NCEH1: variants seen among roughly 807,000 people sequenced by gnomAD.
NCEH1 encodes neutral cholesterol ester hydrolase 1.
In NCEH1, 9 loss-of-function variants were observed where a neutral mutation model predicts 25.4. The ratio of observed to expected loss-of-function variants is 0.35; its 90% confidence interval spans 0.21 to 0.62. The LOEUF is 0.62. Ranked by LOEUF, NCEH1 falls within the 20% of genes least tolerant of loss-of-function variation. The pLI is 0.72. For synonymous variants in NCEH1, 200 were observed against 199.8 expected (o/e 1.00, Z -0.01); for missense variants, 412 against 501.1 (o/e 0.82, Z 1.70).
chr3:172,669,582 G>A (rs1560194243), intron 1 of NCEH1, among the ~76,000 whole-genome samples: 1 of 152,162 alleles, frequency 6.6e-6, no homozygotes, highest in African/African-American at 2.4e-5. Flanking sequence ...AGTCACCCAG[G>A]CTGGAGGGCA....
At chr3:172,686,803 A>G (rs623021) in intron 1 of NCEH1, among the ~76,000 whole-genome samples, 83,575 of 151,934 alleles carry the variant, frequency 0.55, 23,715 homozygotes, top group African/African-American at 0.65. Context: ...CCGTTTTCTC[A>G]CTTTTCCTAT....
At chr3:172,650,013 A>G (rs1191959493) in intron 1 of NCEH1, among the ~76,000 whole-genome samples, 3 of 152,244 alleles carry the variant, frequency 2.0e-5, no homozygotes, top group Admixed American at 1.3e-4. Context: ...ATTTTATAAG[A>G]GAGCCCACCT....
chr3:172,699,149 C>T (rs1046050011), intron 1 of NCEH1, among the ~76,000 whole-genome samples: 11 of 151,994 alleles, frequency 7.2e-5, no homozygotes, highest in Non-Finnish European at 1.2e-4. Flanking sequence ...GGGAAAGAGA[C>T]GGGGAAGTTC....
chr3:172,708,332 G>A (rs1412636703), intron 1 of NCEH1, among the ~76,000 whole-genome samples: 7 of 152,104 alleles, frequency 4.6e-5, no homozygotes, highest in South Asian at 2.1e-4. Context: ...TCTGAGTAAC[G>A]AGGTTGACAC....
intron 1 of NCEH1, among the ~76,000 whole-genome samples, chr3:172,696,074 A>G (rs1342039817): frequency 6.6e-6 from 1 of 152,210 alleles, no homozygotes; most frequent in East Asian, 1.9e-4. Context: ...TAACTTTAGG[A>G]AGAGGTTTTG....
intron 1 of NCEH1, among the ~76,000 whole-genome samples, chr3:172,669,600 A>C (rs910350135): frequency 2.6e-5 from 4 of 152,156 alleles, no homozygotes; most frequent in Non-Finnish European, 5.9e-5. Flanking sequence ...GCAGTGGCAC[A>C]ATCTCGGCTC....
At chr3:172,710,148 G>A (rs1440301883) in intron 1 of NCEH1, among the ~76,000 whole-genome samples, 5 of 152,228 alleles carry the variant, frequency 3.3e-5, no homozygotes, top group African/African-American at 1.2e-4. Flanking sequence ...TGACAGCCAA[G>A]GACATAAAAT....
rs113354645 is a variant in NCEH1, at chr3:172,644,761, G to A, written c.437+862C>T. Among the ~76,000 whole-genome samples the A allele has an allele frequency of 8.1e-3, 1,227 of 152,304 alleles. 11 individuals carry two copies. The highest frequency in any genetic ancestry group is 0.027 in the African/African-American group (1,142 of 41,566). ...GCCAGGGATGTTTCCAGGCACTAAT[G>A]ATTCAGCAATAAACAAAACAAACAA... On this transcript the variant is annotated intron_variant, in intron 3 of 4. Coordinates refer to ENST00000475381, the MANE Select transcript of NCEH1 (RefSeq NM_020792.6).
At chr3:172,709,690 T>G (rs1714195123) in intron 1 of NCEH1, among the ~76,000 whole-genome samples, 1 of 152,198 alleles carries the variant, frequency 6.6e-6, no homozygotes, top group Non-Finnish European at 1.5e-5. Flanking sequence ...GATTATGTAA[T>G]CCTACACATA....
In NCEH1 at chr3:172,639,296, CAAAA is replaced by C. The variant is rs534734447; in HGVS notation, c.438-3213_438-3210del. On this transcript the variant is annotated intron_variant, in intron 3 of 4. Coordinates refer to ENST00000475381, the MANE Select transcript of NCEH1 (RefSeq NM_020792.6). ...CTGGTGACAGAGTGAGGCTCCGTCTCAAAAAAAAAAAAAAAAAATGGAGACTTTG... is the reference window on the plus strand; with the variant it reads ...CTGGTGACAGAGTGAGGCTCCGTCTCAAAAAAAAAAAAAATGGAGACTTTG... Among the ~76,000 whole-genome samples the C allele has an allele frequency of 3.2e-5, 3 of 95,218 alleles. No homozygotes were observed. The South Asian group carries it at 1.2e-3, about 37-fold the overall frequency. 62.5% of individuals were successfully genotyped at this position (95,218 alleles called of 152,430 possible). A position where few individuals can be genotyped will look rare whatever the true frequency, so the allele number is the denominator to read the frequency against.
intron 1 of NCEH1, among the ~76,000 whole-genome samples, chr3:172,666,849 T>C (rs1718231521): frequency 6.6e-6 from 1 of 152,240 alleles, no homozygotes; most frequent in Admixed American, 6.5e-5. Context: ...GAAGTAATCC[T>C]GTTAGGCAAG....
intron 1 of NCEH1, among the ~76,000 whole-genome samples, chr3:172,667,816 TTTATAC>T (rs2108510497): frequency 6.6e-6 from 1 of 152,316 alleles, no homozygotes; most frequent in South Asian, 2.1e-4. Flanking sequence ...CTCATTTTCT[TTTATAC>T]AAGGGCATGG....
chr3:172,702,585 G>A (rs558227961), intron 1 of NCEH1, among the ~76,000 whole-genome samples: 2 of 152,256 alleles, frequency 1.3e-5, no homozygotes, highest in South Asian at 2.1e-4. Flanking sequence ...ATGTGATGAC[G>A]TCCAGGGTTT....
intron 3 of NCEH1, among the ~76,000 whole-genome samples, chr3:172,639,808 C>T (rs1226730568): frequency 6.6e-6 from 1 of 152,156 alleles, no homozygotes; most frequent in Non-Finnish European, 1.5e-5. Flanking sequence ...TTAATGTGTA[C>T]AGTCTATCAA....
chr3:172,681,995 A>C (rs1303493151), intron 1 of NCEH1, among the ~76,000 whole-genome samples: 2 of 152,166 alleles, frequency 1.3e-5, no homozygotes, highest in Non-Finnish European at 2.9e-5. Flanking sequence ...CCACTGCTTA[A>C]CTCTCAAATT....
rs538294780 is a variant in NCEH1, at chr3:172,633,066, CAGAATTAAGGAG to C, written c.*397_*408del. On this transcript the variant is annotated 3_prime_UTR_variant, in exon 5 of 5. Coordinates refer to ENST00000475381, the MANE Select transcript of NCEH1 (RefSeq NM_020792.6). ...GCTCTGAACTCAAGGTTAACTCTAG[CAGAATTAAGGAG>C]TCCTCGTTTTTTTAACTTATTAAAG... is the stretch of plus-strand genomic sequence containing the variant. The C allele has an allele frequency of 2.5e-3, 458 of 182,580 alleles. 1 individual carries two copies. Among genetic ancestry groups the C allele is most frequent in the Non-Finnish European group, 3.8e-3 (332 of 86,842 alleles). The allele number at this position is 182,580 out of a possible 1,614,324, so 11.3% of individuals were successfully genotyped here. A position where few individuals can be genotyped will look rare whatever the true frequency, so the allele number is the denominator to read the frequency against.
At chr3:172,673,586 T>C (rs9816685) in intron 1 of NCEH1, among the ~76,000 whole-genome samples, 31,388 of 152,180 alleles carry the variant, frequency 0.21, 4,400 homozygotes, top group African/African-American at 0.39. Flanking sequence ...TATAAAATAT[T>C]ACCAGGAAAT....
chr3:172,670,623 C>T (rs1711555247), intron 1 of NCEH1, among the ~76,000 whole-genome samples: 1 of 152,150 alleles, frequency 6.6e-6, no homozygotes, highest in Admixed American at 6.5e-5. Context: ...ATGAATAAAG[C>T]TATTTTTATA....
chr3:172,633,407 G>A lies in NCEH1; in HGVS notation c.*68C>T, dbSNP rs1051216001. The A allele has an allele frequency of 6.9e-7, 1 of 1,452,546 alleles. No homozygotes were observed. The highest frequency in any genetic ancestry group is 9.4e-7 in the Non-Finnish European group (1 of 1,063,900). The allele number at this position is 1,452,546 out of a possible 1,614,324, so 90.0% of individuals were successfully genotyped here. On this transcript the variant is annotated 3_prime_UTR_variant, in exon 5 of 5. Coordinates refer to ENST00000475381, the MANE Select transcript of NCEH1 (RefSeq NM_020792.6). Reference sequence around the variant, plus strand: ...GGAGGAAGAATTAGTCAACTAAAAAGTGCATGTCTTTCCAAAGCAGGTGTA... The same window carrying A: ...GGAGGAAGAATTAGTCAACTAAAAAATGCATGTCTTTCCAAAGCAGGTGTA...
Sources: gnomAD v4.1 joint callset for allele counts (sites outside exome capture counted in the v4.1 genomes callset) on GRCh38, gnomAD v4.1.1 for gene constraint, MANE v1.5 for transcripts, NCBI Gene and HGNC (gene_info 2026-07-23, HGNC 2026-07-21) for gene names.